CNOT1: variants seen among roughly 807,000 people sequenced by gnomAD.
CNOT1 encodes the protein CCR4-associated factor 1.
In CNOT1, 15 loss-of-function variants were observed where a neutral mutation model predicts 273.8. The observed-to-expected ratio is 0.05, with a 90% CI of 0.04 to 0.08. The LOEUF is 0.08. CNOT1 is among the 10% of genes least tolerant of loss of function. The pLI is 1.00. For synonymous variants in CNOT1, 1,022 were observed against 1,005.5 expected (o/e 1.02, Z -0.31); for missense variants, 1,644 against 2,912.2 (o/e 0.56, Z 10.02).
intron 1 of CNOT1, among the ~76,000 whole-genome samples, chr16:58,626,554 G>A (rs2152060064): frequency 6.6e-6 from 1 of 151,708 alleles, no homozygotes; most frequent in African/African-American, 2.4e-5. Context: ...GAGGTCAAGA[G>A]TTCGAGACCA....
intron 8 of CNOT1, among the ~76,000 whole-genome samples, 199 bp from the exon 9 acceptor site, chr16:58,583,381 C>G (rs1475173767): frequency 1.3e-5 from 2 of 152,144 alleles, no homozygotes; most frequent in African/African-American, 2.4e-5. Flanking sequence ...TGGCAAAAGT[C>G]ATTATTCTAA....
intron 1 of CNOT1, among the ~76,000 whole-genome samples, chr16:58,619,661 TG>T (rs2043234131): frequency 6.6e-6 from 1 of 152,088 alleles, no homozygotes; most frequent in South Asian, 2.1e-4. Flanking sequence ...CCTGACTTTG[TG>T]ATCTGCCCAC....
intron 47 of CNOT1, among the ~76,000 whole-genome samples, chr16:58,521,735 T>G (rs1418751496): frequency 6.6e-6 from 1 of 151,750 alleles, no homozygotes; most frequent in East Asian, 1.9e-4. Flanking sequence ...GTGGATCACC[T>G]GAGGTCAGGA....
chr16:58,527,975 T>TAGATCTC, intron 44 of CNOT1: 2 of 330,592 alleles, frequency 6.0e-6, no homozygotes, highest in South Asian at 2.3e-5. Context: ...TAGCCAGGTG[T>TAGATCTC]GGTGGCGAGT....
At chr16:58,555,581 T>C (rs749640211) in intron 20 of CNOT1, 44 bp from the exon 21 acceptor site, 5 of 1,584,550 alleles carry the variant, frequency 3.2e-6, no homozygotes, top group Admixed American at 3.6e-5. Context: ...AAGGAAACAA[T>C]TACTAAGAGC....
At position 58,609,605 on chromosome 16, in the gene CNOT1, G is replaced by C. The variant is rs141921892; in HGVS notation, c.-174-10094C>G. On this transcript the variant is annotated intron_variant, in intron 1 of 48. Coordinates refer to ENST00000317147, the MANE Select transcript of CNOT1 (RefSeq NM_016284.5). The stretch of plus-strand genomic sequence containing the variant: ...AGCCTCCCAAGTACCTGGGACTACA[G>C]ACACATGCCACCATGCCTGGCTACT... 7.0e-3 allele frequency among the ~76,000 whole-genome samples: 1,064 copies of C among 151,962 alleles called. 8 individuals are homozygous for C. Among genetic ancestry groups the C allele is most frequent in the African/African-American group, 0.024 (1,001 of 41,444 alleles).
At chr16:58,569,543 C>T (rs1203978355) in intron 16 of CNOT1, among the ~76,000 whole-genome samples, 2 of 151,460 alleles carry the variant, frequency 1.3e-5, no homozygotes, top group South Asian at 2.1e-4. Flanking sequence ...AACAGAAATT[C>T]GTTTTTTCCC....
intron 22 of CNOT1, among the ~76,000 whole-genome samples, chr16:58,552,225 G>A (rs1230522914): frequency 6.6e-6 from 1 of 151,270 alleles, no homozygotes; most frequent in Admixed American, 6.6e-5. Flanking sequence ...TCACAATAAA[G>A]CTGTTATTAC....
chr16:58,581,860 G>A (rs966100575), intron 10 of CNOT1, among the ~76,000 whole-genome samples: 7 of 151,810 alleles, frequency 4.6e-5, no homozygotes, highest in African/African-American at 1.7e-4. Flanking sequence ...ACAGGTTTTC[G>A]CCATGCTGGC....
At chr16:58,566,178 T>C (rs973381915) in intron 16 of CNOT1, among the ~76,000 whole-genome samples, 8 of 152,234 alleles carry the variant, frequency 5.3e-5, no homozygotes, top group Non-Finnish European at 8.8e-5. Context: ...GTAATTACAA[T>C]GTAATTTGTG....
chr16:58,621,910 CAAAAAAAAAAA>C (rs58087048), intron 1 of CNOT1, among the ~76,000 whole-genome samples: 3 of 85,326 alleles, frequency 3.5e-5, no homozygotes, highest in Non-Finnish European at 6.6e-5. Context: ...GACTCCGTCT[CAAAAAAAAAAA>C]AAAAAAAAAA....
chr16:58,546,749 C>T lies in CNOT1; in HGVS notation c.3751G>A (p.Val1251Ile). Residue 1251 changes from valine to isoleucine, a missense_variant and splice_region_variant, in exon 28 of 49, where the codon GTT becomes ATT. This residue lies in a region of CNOT1 where 124 missense variants were observed against 289.3 expected (regional missense o/e 0.43). Coordinates refer to ENST00000317147, the MANE Select transcript of CNOT1 (RefSeq NM_016284.5). Reference protein sequence around the residue: ...KVLESSIRSVVFRPPNPWTMA... With the variant: ...KVLESSIRSVIFRPPNPWTMA... The stretch of plus-strand genomic sequence containing the variant: ...GTCCAAGGGTTTGGTGGCCTAAAAA[C>T]CTAAAGAAAAGCTATTATGTTAAGC... 1 of 1,613,646 alleles carries T rather than the reference C, an allele frequency of 6.2e-7. No individual in the cohort carries two copies. The highest frequency in any genetic ancestry group is 8.5e-7 in the Non-Finnish European group (1 of 1,179,842).
intron 1 of CNOT1, among the ~76,000 whole-genome samples, chr16:58,607,427 C>A (rs780654921): frequency 3.3e-5 from 5 of 151,862 alleles, no homozygotes; most frequent in Non-Finnish European, 7.4e-5. Context: ...AATAAACAAG[C>A]CAATGAAAAT....
chr16:58,570,508 A>G lies in CNOT1; in HGVS notation c.1979+4101T>C, dbSNP rs1014238660. On this transcript the variant is annotated intron_variant, in intron 16 of 48. Transcript: ENST00000317147. The stretch of plus-strand genomic sequence containing the variant: ...TAAAAAATTTATCAGGTGTGGTGGC[A>G]CATGTTTGTGGTCCCAGCTACCTGG... Among the ~76,000 whole-genome samples, 56 of 152,212 alleles carry G rather than the reference A, an allele frequency of 3.7e-4. 1 individual carries two copies. The highest frequency in any genetic ancestry group is 1.5e-4 in the Non-Finnish European group (10 of 68,032).
intron 2 of CNOT1, among the ~76,000 whole-genome samples, chr16:58,591,562 T>C (rs2042053442): frequency 6.6e-6 from 1 of 152,144 alleles, no homozygotes; most frequent in South Asian, 2.1e-4. Context: ...GAGACCAGCC[T>C]GACCAACATG....
chr16:58,544,494 AAG>A (rs1437889513), intron 30 of CNOT1, among the ~76,000 whole-genome samples: 2 of 152,276 alleles, frequency 1.3e-5, no homozygotes, highest in African/African-American at 2.4e-5. Flanking sequence ...TCACAACACT[AAG>A]AGTATTCTAA....
chr16:58,532,567 C>A (rs1011563412), intron 40 of CNOT1, 172 bp from the exon 41 acceptor site: 6 of 1,170,136 alleles, frequency 5.1e-6, no homozygotes, highest in Non-Finnish European at 6.9e-6. Flanking sequence ...ATTGGTCTGA[C>A]TCCGCCTTCA....
chr16:58,543,846 G>A lies in CNOT1; in HGVS notation c.4195C>T (p.Arg1399Trp), dbSNP rs1396928472. 1.2e-6 allele frequency: 2 copies of A among 1,614,010 alleles called. No individual in the cohort carries two copies. Among genetic ancestry groups the A allele is most frequent in the South Asian group, 1.1e-5 (1 of 91,082 alleles). Residue 1399 changes from arginine (R) to tryptophan (W), a missense_variant, in exon 31 of 49, where the codon CGG (arginine) becomes TGG (tryptophan). Arg to Trp is a moderately radical substitution (Grantham distance 101). Coordinates refer to ENST00000317147, the MANE Select transcript of CNOT1 (RefSeq NM_016284.5). ...GGATGGACCAGCTCCTGGACAGCCCGTTCAATTGCCTGACGCACACACTGC... is the reference window on the plus strand; with the variant it reads ...GGATGGACCAGCTCCTGGACAGCCCATTCAATTGCCTGACGCACACACTGC... ...LKQCVRQAIE[R>W]AVQELVHPVV...
intron 2 of CNOT1, among the ~76,000 whole-genome samples, chr16:58,598,805 T>C (rs2042360122): frequency 6.6e-6 from 1 of 152,086 alleles, no homozygotes; most frequent in South Asian, 2.1e-4. Flanking sequence ...CTCACGCCTG[T>C]AATCCCAGAA....
Sources: allele counts gnomAD v4.1 joint callset (sites outside exome capture counted in the v4.1 genomes callset), GRCh38; gene constraint gnomAD v4.1.1; regional missense constraint gnomAD v4.1.1; transcripts MANE v1.5; gene names NCBI Gene and HGNC (gene_info 2026-07-23, HGNC 2026-07-21).